Variants in UNC5D observed in about 807,000 individuals in gnomAD.
The protein encoded by UNC5D is unc-5 netrin receptor D.
Under a neutral mutation model 105.4 loss-of-function variants are expected in UNC5D, and 39 were observed. The observed-to-expected ratio is 0.37, with a 90% CI of 0.29 to 0.48. The LOEUF is 0.48. Ranked by LOEUF, UNC5D falls within the 20% of genes least tolerant of loss-of-function variation. The probability of loss-of-function intolerance (pLI) is 0.98; values close to 1 mark genes in which losing one functional copy is unlikely to be tolerated. For missense variants in UNC5D, 991 were observed against 1,202.4 expected (o/e 0.82, Z 2.60); for synonymous variants, 452 against 450.4 (o/e 1.00, Z -0.04).
chr8:35,350,055 T>G (rs1563334380), intron 1 of UNC5D, among the ~76,000 whole-genome samples: 1 of 151,918 alleles, frequency 6.6e-6, no homozygotes, highest in African/African-American at 2.4e-5. Context: ...TAATTTAATT[T>G]AATAAATTAA....
intron 3 of UNC5D, among the ~76,000 whole-genome samples, chr8:35,589,272 C>T (rs1818998576): frequency 6.6e-6 from 1 of 152,032 alleles, no homozygotes; most frequent in Non-Finnish European, 1.5e-5. Flanking sequence ...TTAATGGTTG[C>T]ATAATGTTCC....
At chr8:35,560,960 T>A (rs1816912359) in intron 2 of UNC5D, among the ~76,000 whole-genome samples, 1 of 152,148 alleles carries the variant, frequency 6.6e-6, no homozygotes. Context: ...TAAGACAAGA[T>A]ATAATCTTCA....
intron 4 of UNC5D, among the ~76,000 whole-genome samples, chr8:35,671,902 T>C (rs1586387706): frequency 6.6e-6 from 1 of 152,170 alleles, no homozygotes; most frequent in Non-Finnish European, 1.5e-5. Flanking sequence ...TGGTCTCCGA[T>C]AATTACCTTC....
At chr8:35,650,062 G>A (rs895282482) in intron 4 of UNC5D, among the ~76,000 whole-genome samples, 7 of 152,116 alleles carry the variant, frequency 4.6e-5, no homozygotes, top group African/African-American at 1.7e-4. Context: ...TATTGTCTTT[G>A]AAACCTTCAG....
intron 1 of UNC5D, among the ~76,000 whole-genome samples, chr8:35,237,280 T>C (rs1802536183): frequency 6.7e-6 from 1 of 149,336 alleles, no homozygotes; most frequent in Non-Finnish European, 1.5e-5. Context: ...TGGGTTATGA[T>C]GAACCACAGT....
chr8:35,788,326 G>A (rs1055722872), intron 16 of UNC5D, among the ~76,000 whole-genome samples: 6 of 152,090 alleles, frequency 3.9e-5, no homozygotes, highest in Non-Finnish European at 5.9e-5. Flanking sequence ...GTAAGGGAAA[G>A]TAATACCATC....
intron 16 of UNC5D, among the ~76,000 whole-genome samples, chr8:35,783,274 G>A (rs909532627): frequency 3.7e-4 from 56 of 152,298 alleles, no homozygotes; most frequent in African/African-American, 1.1e-3. Flanking sequence ...GGCAAAAGCC[G>A]AAATTCTGAA....
intron 4 of UNC5D, among the ~76,000 whole-genome samples, chr8:35,636,290 T>C (rs967042724): frequency 1.3e-5 from 2 of 152,174 alleles, no homozygotes; most frequent in African/African-American, 4.8e-5. Flanking sequence ...AAGGAGATGG[T>C]CAATGGCCTA....
chr8:35,289,064 T>C (rs1806836843), intron 1 of UNC5D, among the ~76,000 whole-genome samples: 1 of 152,088 alleles, frequency 6.6e-6, no homozygotes, highest in Non-Finnish European at 1.5e-5. Flanking sequence ...ATAGAGTGGC[T>C]GAATGGATTA....
chr8:35,583,858 A>G (rs1357208392), intron 3 of UNC5D, among the ~76,000 whole-genome samples: 2 of 152,156 alleles, frequency 1.3e-5, no homozygotes, highest in Non-Finnish European at 2.9e-5. Context: ...ATTGCCTTCT[A>G]TGGAACTTGG....
Position 35,435,088 on chromosome 8 carries a change from G to C in UNC5D, c.104-114204G>C, listed in dbSNP as rs533189663. 2.6e-3 allele frequency among the ~76,000 whole-genome samples: 403 copies of C among 152,140 alleles called. 2 individuals are homozygous for C. The highest frequency in any genetic ancestry group is 9.3e-3 in the African/African-American group (387 of 41,544). On this transcript the variant is annotated intron_variant, in intron 1 of 16. Transcript: ENST00000404895. The stretch of plus-strand genomic sequence containing the variant: ...TGTGGAGTATGGTTTTTTCTGAAGA[G>C]GGTTCACTGATAATTTGGAGTTTTT...
chr8:35,489,712 A>G lies in UNC5D; in HGVS notation c.104-59580A>G, dbSNP rs528372956. Among the ~76,000 whole-genome samples the G allele has an allele frequency of 5.9e-5, 9 of 152,304 alleles. No homozygotes were observed. The East Asian group carries it at 1.7e-3, about 29-fold the overall frequency. On this transcript the variant is annotated intron_variant, in intron 1 of 16. Coordinates refer to ENST00000404895, the MANE Select transcript of UNC5D (RefSeq NM_080872.4). ...AAACTAATACACTTGGCAGTTTTCCAATGATATTATTCTGAAATGTTGACT... is the reference window on the plus strand; with the variant it reads ...AAACTAATACACTTGGCAGTTTTCCGATGATATTATTCTGAAATGTTGACT...
rs558901908 is a variant in UNC5D at position 35,676,476 on chromosome 8, A to G, written c.571-7071A>G. Among the ~76,000 whole-genome samples, 14 of 152,344 alleles carry G rather than the reference A, an allele frequency of 9.2e-5. No homozygotes were observed. The East Asian group carries it at 1.5e-3, about 17-fold the overall frequency. On this transcript the variant is annotated intron_variant, in intron 4 of 16. Transcript: ENST00000404895. ...GACCTGTTAGCAGGAGGTCATGTGC[A>G]TAAGTGATACAAATGTCTGTTAGCC... is the stretch of plus-strand genomic sequence containing the variant.
chr8:35,726,481 A>G lies in UNC5D; in HGVS notation c.1633A>G (p.Thr545Ala). The change falls in exon 10 of 17, where the codon ACT (threonine) becomes GCT (alanine). Residue 545 changes from threonine (T) to alanine (A), a missense_variant. By Grantham distance (58) the Thr-to-Ala change is moderately conservative. This residue lies in a region of UNC5D where 944 missense variants were observed against 1,131.6 expected (regional missense o/e 0.83). Coordinates refer to ENST00000404895, the MANE Select transcript of UNC5D (RefSeq NM_080872.4). Reference sequence around the variant, plus strand: ...CCCCACAAGGACAGAACTGAGGACAACTGGTGTCTTTGGCCATTTAGGGGG... The same window carrying G: ...CCCCACAAGGACAGAACTGAGGACAGCTGGTGTCTTTGGCCATTTAGGGGG... Reference protein sequence around the residue: ...SLPTRTELRTTGVFGHLGGRL... With the variant: ...SLPTRTELRTAGVFGHLGGRL... 5 of 1,614,088 alleles carry G rather than the reference A, an allele frequency of 3.1e-6. No homozygotes were observed. The highest frequency in any genetic ancestry group is 4.2e-6 in the Non-Finnish European group (5 of 1,180,020).
intron 1 of UNC5D, among the ~76,000 whole-genome samples, chr8:35,409,333 T>C (rs1174756450): frequency 4.6e-5 from 7 of 152,094 alleles, no homozygotes; most frequent in Non-Finnish European, 1.0e-4. Flanking sequence ...CTGTACCATA[T>C]TTCATTCTGC....
intron 4 of UNC5D, among the ~76,000 whole-genome samples, chr8:35,662,042 C>T (rs914643285): frequency 6.6e-6 from 1 of 152,080 alleles, no homozygotes; most frequent in Admixed American, 6.6e-5. Context: ...CAATGGGTTG[C>T]AAAATACATT....
At chr8:35,545,063 A>G (rs1815549451) in intron 1 of UNC5D, among the ~76,000 whole-genome samples, 2 of 152,322 alleles carry the variant, frequency 1.3e-5, no homozygotes, top group Non-Finnish European at 2.9e-5. Context: ...GGAAGGAGGC[A>G]GATGGCTGGA....
chr8:35,626,716 T>G (rs958949704), intron 4 of UNC5D, among the ~76,000 whole-genome samples: 6 of 152,230 alleles, frequency 3.9e-5, no homozygotes, highest in African/African-American at 1.4e-4. Context: ...CGCGTGCTCT[T>G]GCAAAAGAGA....
chr8:35,461,891 T>C lies in UNC5D; in HGVS notation c.104-87401T>C, dbSNP rs376342548. Among the ~76,000 whole-genome samples, 5 of 152,256 alleles carry C rather than the reference T, an allele frequency of 3.3e-5. No individual in the cohort carries two copies. In the East Asian group the frequency reaches 5.8e-4, roughly 18 times the overall value. ...ATGACCAACATTGAATAAACTATAA[T>C]AACAAACTGCTTAGCAGTTCAGGCA... On this transcript the variant is annotated intron_variant, in intron 1 of 16. Transcript: ENST00000404895.
Sources: allele counts gnomAD v4.1 joint callset (sites outside exome capture counted in the v4.1 genomes callset), GRCh38; gene constraint gnomAD v4.1.1; regional missense constraint gnomAD v4.1.1; transcripts MANE v1.5; gene names NCBI Gene and HGNC (gene_info 2026-07-23, HGNC 2026-07-21).